SLC30A5: variants seen among roughly 807,000 people sequenced by gnomAD.
SLC30A5 encodes the protein proton-coupled zinc antiporter SLC30A5.
A neutral mutation model predicts 79.6 loss-of-function variants in SLC30A5; 33 were observed. The observed-to-expected ratio is 0.41, with a 90% CI of 0.31 to 0.55. The LOEUF is 0.55. Ranked by LOEUF, SLC30A5 falls within the 20% of genes least tolerant of loss-of-function variation. SLC30A5 has a pLI of 0.20. For missense variants in SLC30A5, 788 were observed against 928.1 expected, an observed-to-expected ratio of 0.85 and a Z score of 1.96; for synonymous variants, 299 against 319.7, an observed-to-expected ratio of 0.94 and a Z score of 0.69.
At chr5:69,128,171 T>G in intron 15 of SLC30A5, 39 bp downstream of exon 15, 1 of 1,560,714 alleles carries the variant, frequency 6.4e-7, no homozygotes, top group Non-Finnish European at 8.7e-7. Flanking sequence ...ATTGAGGTCA[T>G]TCATACCCAA....
At position 69,123,287 on chromosome 5, in the gene SLC30A5, C is replaced by G; in HGVS notation, c.1860C>G (p.Ile620Met). 5 of 1,613,924 alleles carry G rather than the reference C, an allele frequency of 3.1e-6. No individual in the cohort carries two copies. Among genetic ancestry groups the G allele is most frequent in the Non-Finnish European group, 3.4e-6 (4 of 1,179,892 alleles). ...TTATAGAGCAGTTTGGATGGTTCATCGCTGACCCACTCTGTTCTCTTTTTA... is the reference window on the plus strand; with the variant it reads ...TTATAGAGCAGTTTGGATGGTTCATGGCTGACCCACTCTGTTCTCTTTTTA... The part of the protein sequence containing the change: ...TVLIEQFGWF[I>M]ADPLCSLFIA... The change falls in exon 14 of 16, where the codon ATC becomes ATG. Residue 620 changes from isoleucine to methionine, a missense_variant. Ile to Met is a conservative substitution (Grantham distance 10). This residue lies in a region of SLC30A5 where 626 missense variants were observed against 755.5 expected (regional missense o/e 0.83). Transcript: ENST00000396591.
chr5:69,097,890 G>T (rs1170693345), intron 1 of SLC30A5, among the ~76,000 whole-genome samples: 1 of 151,996 alleles, frequency 6.6e-6, no homozygotes, highest in African/African-American at 2.4e-5. Flanking sequence ...GGCTAAAGAT[G>T]AAAAACCAGG....
intron 1 of SLC30A5, among the ~76,000 whole-genome samples, chr5:69,099,265 C>T (rs567465495): frequency 8.9e-4 from 136 of 152,260 alleles, no homozygotes; most frequent in Middle Eastern, 3.4e-3. Flanking sequence ...ACCTGGACTC[C>T]GTAATTGTTA....
chr5:69,128,123 A>G lies in SLC30A5; in HGVS notation c.2118A>G (p.Ile706Met). ...CATCTGATGTGCTAGAACAAAGAAT[A>G]GTACAGCAGGTAATCTTTTGTTTTT... ...QVTSDVLEQR[I>M]VQQVTGILKD... is the part of the protein sequence containing the mutation. The change falls in exon 15 of 16, where the codon ATA becomes ATG. Residue 706 changes from isoleucine to methionine, a missense_variant. Physicochemically the swap from Ile to Met is conservative, Grantham distance 10. This residue lies in a region of SLC30A5 where 158 missense variants were observed against 156.2 expected (regional missense o/e 1.01). Coordinates refer to ENST00000396591, the MANE Select transcript of SLC30A5 (RefSeq NM_022902.5). The G allele has an allele frequency of 6.2e-7, 1 of 1,603,304 alleles. No homozygotes were observed.
intron 14 of SLC30A5, among the ~76,000 whole-genome samples, chr5:69,126,810 AAT>A (rs34449668): frequency 4.7e-5 from 7 of 148,808 alleles, no homozygotes; most frequent in Admixed American, 6.7e-5. Flanking sequence ...ACAACAACAA[AAT>A]ATATATATAT....
chr5:69,125,489 G>C (rs566883587), intron 14 of SLC30A5, among the ~76,000 whole-genome samples: 1 of 148,748 alleles, frequency 6.7e-6, no homozygotes, highest in African/African-American at 2.5e-5. Context: ...TCACGCCATG[G>C]CAACAGAGCG....
intron 1 of SLC30A5, among the ~76,000 whole-genome samples, chr5:69,096,633 T>C (rs552945144): frequency 3.5e-4 from 54 of 152,222 alleles, no homozygotes; most frequent in Non-Finnish European, 6.8e-4. Flanking sequence ...TTAACTCCAA[T>C]ATCCCAAAAG....
At chr5:69,126,041 C>T (rs2112003247) in intron 14 of SLC30A5, among the ~76,000 whole-genome samples, 1 of 152,106 alleles carries the variant, frequency 6.6e-6, no homozygotes, top group Non-Finnish European at 1.5e-5. Context: ...CAGAGCAAGA[C>T]TGTCTCAAAG....
chr5:69,103,986 G>C (rs1337462435), intron 3 of SLC30A5: 1 of 1,563,512 alleles, frequency 6.4e-7, no homozygotes, highest in Non-Finnish European at 8.7e-7. Context: ...AAAAATTCCT[G>C]GTAGAAAAGA....
intron 14 of SLC30A5, among the ~76,000 whole-genome samples, chr5:69,124,729 C>A (rs982490644): frequency 6.6e-6 from 1 of 152,128 alleles, no homozygotes; most frequent in African/African-American, 2.4e-5. Flanking sequence ...GCCTACCACA[C>A]CCAGCTAATT....
rs1309546220 is a variant in SLC30A5, at chr5:69,115,563, A to T, written c.783+156A>T. Among the ~76,000 whole-genome samples, 4 of 152,148 alleles carry T rather than the reference A, an allele frequency of 2.6e-5. No individual in the cohort carries two copies. The East Asian group carries it at 7.7e-4, about 29-fold the overall frequency. ...TTTTCTTTGTAGTTTTTTAAAAAAA[A>T]TTTGGAGTTAATTTTATTGTTTATA... On this transcript the variant is annotated intron_variant, in intron 8 of 15. Coordinates refer to ENST00000396591, the MANE Select transcript of SLC30A5 (RefSeq NM_022902.5).
At chr5:69,124,250 C>T (rs1334265401) in intron 14 of SLC30A5, among the ~76,000 whole-genome samples, 2 of 144,514 alleles carry the variant, frequency 1.4e-5, no homozygotes, top group Non-Finnish European at 3.0e-5. Flanking sequence ...AAAATAGTAA[C>T]AATAATAATA....
chr5:69,097,856 A>G (rs1390525515), intron 1 of SLC30A5, among the ~76,000 whole-genome samples: 2 of 152,130 alleles, frequency 1.3e-5, no homozygotes, highest in African/African-American at 4.8e-5. Flanking sequence ...TTTGATTTTT[A>G]AAGTTCCAAT....
At chr5:69,104,090 C>A in intron 3 of SLC30A5, 1 of 1,500,812 alleles carries the variant, frequency 6.7e-7, no homozygotes, top group Non-Finnish European at 8.9e-7. Context: ...TCAAAATCTA[C>A]CAGCAGACAA....
At chr5:69,122,972 C>T (rs139969923) in intron 13 of SLC30A5, among the ~76,000 whole-genome samples, 82 of 152,224 alleles carry the variant, frequency 5.4e-4, no homozygotes, top group African/African-American at 1.8e-3. Context: ...AGACAAAGTA[C>T]ACCATAAAAT....
intron 1 of SLC30A5, among the ~76,000 whole-genome samples, chr5:69,099,424 A>T (rs1745842700): frequency 6.6e-6 from 1 of 152,206 alleles, no homozygotes; most frequent in Non-Finnish European, 1.5e-5. Flanking sequence ...ATTCTCTTAT[A>T]AAGCCAGCAG....
chr5:69,100,221 G>C (rs1190097590), intron 1 of SLC30A5, among the ~76,000 whole-genome samples: 2 of 152,088 alleles, frequency 1.3e-5, no homozygotes, highest in Non-Finnish European at 2.9e-5. Flanking sequence ...ACCCACTTCA[G>C]CCTCCCAAAG....
intron 3 of SLC30A5, among the ~76,000 whole-genome samples, 193 bp downstream of exon 3, chr5:69,103,321 TA>T (rs1335460600): frequency 6.6e-6 from 1 of 151,928 alleles, no homozygotes; most frequent in Non-Finnish European, 1.5e-5. Flanking sequence ...GGAATGTTTT[TA>T]AAAAAAACAA....
rs920303811 is a variant in SLC30A5 at position 69,130,333 on chromosome 5, A to G, written c.*716A>G. ...ATACTAAGTTGTGTCCATGTTATTC[A>G]TTTACTTACCATGTTCCTTTAAAGT... On this transcript the variant is annotated 3_prime_UTR_variant, in exon 16 of 16. Coordinates refer to ENST00000396591, the MANE Select transcript of SLC30A5 (RefSeq NM_022902.5). 6.6e-6 allele frequency: 1 copy of G among 152,126 alleles called. No individual in the cohort carries two copies. The highest frequency in any genetic ancestry group is 2.4e-5 in the African/African-American group (1 of 41,424). The allele number at this position is 152,126 out of a possible 1,614,324, so 9.4% of individuals were successfully genotyped here. A position where few individuals can be genotyped will look rare whatever the true frequency, so the allele number is the denominator to read the frequency against.
Sources: gnomAD v4.1 joint callset for allele counts (sites outside exome capture counted in the v4.1 genomes callset) on GRCh38, gnomAD v4.1.1 for gene constraint, gnomAD v4.1.1 regional missense constraint, MANE v1.5 for transcripts, NCBI Gene and HGNC (gene_info 2026-07-23, HGNC 2026-07-21) for gene names.